The following CNTN3 variants were observed in gnomAD, a reference collection of about 807,000 sequenced individuals.
CNTN3 encodes contactin-3.
A neutral mutation model predicts 119.1 loss-of-function variants in CNTN3; 60 were observed. The observed-to-expected ratio is 0.50, with a 90% CI of 0.41 to 0.62. The LOEUF (loss-of-function observed/expected upper bound fraction) is 0.62, where lower values mean the gene tolerates loss of function less well. Among genes scored for constraint, CNTN3 ranks in the 20% least tolerant of loss-of-function variants. The pLI, the probability that CNTN3 is intolerant of heterozygous loss-of-function variation, is 0.00. For synonymous variants in CNTN3, 450 were observed against 438.7 expected (o/e 1.03, Z -0.32); for missense variants, 1,101 against 1,242.4 (o/e 0.89, Z 1.71).
intron 2 of CNTN3, among the ~76,000 whole-genome samples, chr3:74,508,903 A>G (rs1302464672): frequency 2.0e-5 from 3 of 152,150 alleles, no homozygotes; most frequent in African/African-American, 7.2e-5. Flanking sequence ...AATGAAACCA[A>G]CCTTGGCAAT....
chr3:74,334,604 G>T (rs1308871351), intron 13 of CNTN3, 131 bp downstream of exon 13: 2 of 732,844 alleles, frequency 2.7e-6, no homozygotes, highest in Non-Finnish European at 4.4e-6. Flanking sequence ...ACAGAACTGA[G>T]AACCACTCAA....
chr3:74,582,120 A>C (rs1704518523), intron 1 of CNTN3, among the ~76,000 whole-genome samples: 1 of 152,104 alleles, frequency 6.6e-6, no homozygotes, highest in South Asian at 2.1e-4. Context: ...TAAAAATATC[A>C]TTTAGGCCAG....
chr3:74,481,726 G>A (rs1480054094), intron 4 of CNTN3, among the ~76,000 whole-genome samples: 1 of 151,478 alleles, frequency 6.6e-6, no homozygotes, highest in Non-Finnish European at 1.5e-5. Flanking sequence ...CAACAACTTT[G>A]GAAGAACAAT....
In CNTN3 at chr3:74,495,455, T is replaced by C. The variant is rs535806768; in HGVS notation, c.182+4204A>G. On this transcript the variant is annotated intron_variant, in intron 3 of 22. Coordinates refer to ENST00000263665, the MANE Select transcript of CNTN3 (RefSeq NM_020872.3). ...CTAAAAATGGAACACTATATGTATA[T>C]AGAATTGACAGCATACACATAGTGT... is the stretch of plus-strand genomic sequence containing the variant. 5.3e-5 allele frequency among the ~76,000 whole-genome samples: 8 copies of C among 152,100 alleles called. 1 individual carries two copies. The South Asian group carries it at 1.7e-3, about 32-fold the overall frequency.
intron 1 of CNTN3, among the ~76,000 whole-genome samples, chr3:74,540,078 C>T (rs1301709721): frequency 3.9e-5 from 6 of 152,076 alleles, no homozygotes; most frequent in Non-Finnish European, 8.8e-5. Flanking sequence ...TAGCAAAACA[C>T]GTCCCTTCTT....
chr3:74,518,289 A>T (rs750050765), intron 2 of CNTN3, among the ~76,000 whole-genome samples: 7 of 152,044 alleles, frequency 4.6e-5, no homozygotes, highest in Non-Finnish European at 8.8e-5. Flanking sequence ...ACTCTGATAA[A>T]CTGTCAAGAT....
chr3:74,545,812 G>A (rs984106988), intron 1 of CNTN3, among the ~76,000 whole-genome samples: 3 of 151,970 alleles, frequency 2.0e-5, no homozygotes, highest in African/African-American at 7.2e-5. Context: ...TTTAAAGAAC[G>A]ATTTCTATCA....
chr3:74,265,199 G>A (rs1237622128), intron 22 of CNTN3, among the ~76,000 whole-genome samples: 4 of 151,984 alleles, frequency 2.6e-5, no homozygotes, highest in Admixed American at 6.6e-5. Flanking sequence ...TAAAAGCTTC[G>A]TTTTCATAGA....
chr3:74,275,427 C>T (rs1701860628), intron 20 of CNTN3, among the ~76,000 whole-genome samples: 1 of 152,280 alleles, frequency 6.6e-6, no homozygotes. Flanking sequence ...TAAATGAAAA[C>T]CTATCAGATT....
intron 1 of CNTN3, among the ~76,000 whole-genome samples, chr3:74,591,337 T>C (rs1339990154): frequency 6.6e-6 from 1 of 151,992 alleles, no homozygotes; most frequent in Non-Finnish European, 1.5e-5. Context: ...TTTGTCAAAA[T>C]GTGGGAAGCC....
At chr3:74,392,581 T>G (rs116035128) in intron 5 of CNTN3, among the ~76,000 whole-genome samples, 2,154 of 152,224 alleles carry the variant, frequency 0.014, 43 homozygotes, top group African/African-American at 0.049. Context: ...CAGAGAGAAC[T>G]TGGTGCTAAT....
Position 74,424,941 on chromosome 3 carries a change from C to A in CNTN3, c.359-1G>T. The A allele has an allele frequency of 6.3e-7, 1 of 1,584,406 alleles. No individual in the cohort carries two copies. Among genetic ancestry groups the A allele is most frequent in the South Asian group, 1.2e-5 (1 of 86,498 alleles). On this transcript the variant is annotated splice_acceptor_variant, in intron 4 of 22. Coordinates refer to ENST00000263665, the MANE Select transcript of CNTN3 (RefSeq NM_020872.3). LOFTEE classifies it high-confidence loss of function. ...ATTTTGGTTTTAAAATTTTCAAGAT[C>A]TGATTTGAAAACAAAACAAAACTGA...
chr3:74,375,768 A>G (rs1289587815), intron 5 of CNTN3, among the ~76,000 whole-genome samples: 2 of 152,206 alleles, frequency 1.3e-5, no homozygotes, highest in African/African-American at 4.8e-5. Context: ...GAAACTCCAT[A>G]AGCAACATAG....
At chr3:74,495,418 G>A (rs1309938696) in intron 3 of CNTN3, among the ~76,000 whole-genome samples, 6 of 151,716 alleles carry the variant, frequency 4.0e-5, no homozygotes, top group Non-Finnish European at 8.8e-5. Flanking sequence ...TACTATATAT[G>A]TACTATATAT....
chr3:74,550,786 T>C (rs1312578106), intron 1 of CNTN3, among the ~76,000 whole-genome samples: 2 of 152,172 alleles, frequency 1.3e-5, no homozygotes, highest in Admixed American at 6.5e-5. Flanking sequence ...AAGCAATCTT[T>C]CCATCTTAGC....
At chr3:74,582,796 T>G (rs984166606) in intron 1 of CNTN3, among the ~76,000 whole-genome samples, 3 of 151,966 alleles carry the variant, frequency 2.0e-5, no homozygotes, top group Non-Finnish European at 4.4e-5. Flanking sequence ...TGTGTGTGTG[T>G]GTGTGTGTGT....
At chr3:74,278,791 C>T (rs1701935074) in intron 20 of CNTN3, among the ~76,000 whole-genome samples, 1 of 151,936 alleles carries the variant, frequency 6.6e-6, no homozygotes, top group Non-Finnish European at 1.5e-5. Flanking sequence ...TTTTGCATGG[C>T]AAAGCAACAG....
chr3:74,452,252 T>C (rs996417462), intron 4 of CNTN3, among the ~76,000 whole-genome samples: 3 of 141,404 alleles, frequency 2.1e-5, no homozygotes, highest in Non-Finnish European at 4.6e-5. Flanking sequence ...GGTGGATTCC[T>C]AGGTATTTTA....
chr3:74,605,235 C>T (rs1033056393), intron 1 of CNTN3, among the ~76,000 whole-genome samples: 1 of 151,722 alleles, frequency 6.6e-6, no homozygotes, highest in African/African-American at 2.4e-5. Context: ...AACATGGTGA[C>T]TATAATTAAT....
Sources: gnomAD v4.1 joint callset for allele counts (sites outside exome capture counted in the v4.1 genomes callset) on GRCh38, gnomAD v4.1.1 for gene constraint, MANE v1.5 for transcripts, NCBI Gene and HGNC (gene_info 2026-07-23, HGNC 2026-07-21) for gene names.